Variants in BIRC6 observed in about 807,000 individuals in gnomAD.
The protein encoded by BIRC6 is baculoviral IAP repeat containing 6, also known as dual E2 ubiquitin-conjugating enzyme/E3 ubiquitin-protein ligase BIRC6.
Under a neutral mutation model 503.3 loss-of-function variants are expected in BIRC6, and 98 were observed. The observed-to-expected ratio is 0.19, with a 90% CI of 0.17 to 0.23. The LOEUF is 0.23. Among genes scored for constraint, BIRC6 ranks in the 10% least tolerant of loss-of-function variants. The pLI, the probability that BIRC6 is intolerant of heterozygous loss-of-function variation, is 1.00. For synonymous variants in BIRC6, 2,240 were observed against 2,078.7 expected (o/e 1.08, Z -2.11); for missense variants, 5,360 against 5,806.0 (o/e 0.92, Z 2.50).
intron 61 of BIRC6, among the ~76,000 whole-genome samples, chr2:32,532,927 A>G (rs763771243): frequency 6.6e-6 from 1 of 152,128 alleles, no homozygotes; most frequent in Non-Finnish European, 1.5e-5. Context: ...TGTGAAAGTG[A>G]CTTTAGAATT....
chr2:32,379,516 T>C (rs927044026), intron 2 of BIRC6: 8 of 152,184 alleles, frequency 5.3e-5, no homozygotes, highest in South Asian at 2.1e-4. Flanking sequence ...CTGTTTTTTT[T>C]CTCTTTGTAC....
At chr2:32,416,204 G>GGA in intron 10 of BIRC6, 41 bp downstream of exon 10, 1 of 1,511,560 alleles carries the variant, frequency 6.6e-7, no homozygotes, top group Non-Finnish European at 8.9e-7. Context: ...TAAAATCCAT[G>GGA]TATATATGGC....
At chr2:32,520,229 G>A (rs1168821646) in intron 57 of BIRC6, among the ~76,000 whole-genome samples, 3 of 152,178 alleles carry the variant, frequency 2.0e-5, no homozygotes, top group African/African-American at 4.8e-5. Flanking sequence ...CACATAGATG[G>A]TAAGTGAAAC....
chr2:32,393,434 C>A (rs1183745755), intron 5 of BIRC6, among the ~76,000 whole-genome samples: 1 of 152,138 alleles, frequency 6.6e-6, no homozygotes, highest in Non-Finnish European at 1.5e-5. Flanking sequence ...AGTGGCTTAC[C>A]ACTGTTACCA....
At chr2:32,481,647 T>C (rs1344571417) in intron 38 of BIRC6, among the ~76,000 whole-genome samples, 194 bp downstream of exon 38, 1 of 151,914 alleles carries the variant, frequency 6.6e-6, no homozygotes, top group East Asian at 1.9e-4. Context: ...GCACCTGTAG[T>C]CCCAGCTGCT....
chr2:32,389,072 A>T (rs2038876527), intron 4 of BIRC6, 129 bp downstream of exon 4: 4 of 601,762 alleles, frequency 6.6e-6, no homozygotes, highest in Non-Finnish European at 9.9e-6. Flanking sequence ...TTTTGAAATT[A>T]AAAAAAAATC....
At position 32,593,929 on chromosome 2, in the gene BIRC6, A is replaced by C. The variant is rs752178125; in HGVS notation, c.13370A>C (p.Asn4457Thr). 6.2e-7 allele frequency: 1 copy of C among 1,609,968 alleles called. No individual in the cohort carries two copies. The highest frequency in any genetic ancestry group is 1.1e-5 in the South Asian group (1 of 89,562). The change falls in exon 67 of 74, where the codon AAT (asparagine) becomes ACT (threonine). Residue 4457 changes from asparagine (N) to threonine (T), a missense_variant. By Grantham distance (65) the Asn-to-Thr change is moderately conservative. Around this residue, in one of 16 missense-constraint regions of BIRC6, gnomAD observed 477 missense variants for 574.4 expected, o/e 0.83. Transcript: ENST00000421745. The stretch of plus-strand genomic sequence containing the variant: ...AAAAAATTCAGATCTAAAAGGGAAA[A>C]TGTTAAAACAGGAGTAAAACCAGAT... The part of the protein sequence containing the change: ...YTNRLRSKRE[N>T]VKTGVKPDAS...
At chr2:32,394,061 A>G (rs555407674) in intron 5 of BIRC6, among the ~76,000 whole-genome samples, 41 of 151,638 alleles carry the variant, frequency 2.7e-4, no homozygotes, top group Admixed American at 9.8e-4. Flanking sequence ...TAATTTCTCT[A>G]AATTAAGGAT....
At chr2:32,568,852 A>C (rs2059723315) in intron 65 of BIRC6, among the ~76,000 whole-genome samples, 1 of 152,112 alleles carries the variant, frequency 6.6e-6, no homozygotes, top group South Asian at 2.1e-4. Context: ...CTCAAAAAAA[A>C]AAAAAGCACA....
intron 6 of BIRC6, among the ~76,000 whole-genome samples, chr2:32,398,827 G>A (rs1278810636): frequency 3.3e-5 from 5 of 152,074 alleles, no homozygotes; most frequent in Admixed American, 6.6e-5. Context: ...TTAGCTGGGA[G>A]GGAACCTGGC....
At chr2:32,547,518 G>A (rs147975352) in intron 63 of BIRC6, among the ~76,000 whole-genome samples, 171 of 152,190 alleles carry the variant, frequency 1.1e-3, no homozygotes, top group East Asian at 4.3e-3. Flanking sequence ...AGGTTTATTC[G>A]TGTAGCGTAT....
chr2:32,376,348 T>A (rs1205556571), intron 1 of BIRC6, among the ~76,000 whole-genome samples: 2 of 152,196 alleles, frequency 1.3e-5, no homozygotes, highest in Non-Finnish European at 1.5e-5. Context: ...AACAAAATTA[T>A]CACAGTTTTA....
At chr2:32,558,796 T>C (rs1159621399) in intron 65 of BIRC6, 1 of 152,228 alleles carries the variant, frequency 6.6e-6, no homozygotes, top group East Asian at 1.9e-4. Context: ...GTTTTCAGTA[T>C]ATCCTGAAGG....
chr2:32,479,413 T>C, intron 36 of BIRC6, 49 bp from the exon 37 acceptor site: 1 of 1,519,598 alleles, frequency 6.6e-7, no homozygotes, highest in Non-Finnish European at 8.9e-7. Context: ...GTAATACATT[T>C]TCGAAATCTG....
chr2:32,472,868 T>C (rs2049260459), intron 32 of BIRC6: 4 of 309,586 alleles, frequency 1.3e-5, no homozygotes, highest in Non-Finnish European at 2.4e-5. Context: ...ATTATCTAAA[T>C]GAAAGATTGG....
intron 26 of BIRC6, among the ~76,000 whole-genome samples, chr2:32,465,991 A>G (rs1483867820): frequency 6.6e-6 from 1 of 152,168 alleles, no homozygotes; most frequent in Non-Finnish European, 1.5e-5. Flanking sequence ...CTGAAGTCTT[A>G]TGGGAGATGA....
chr2:32,443,497 C>G lies in BIRC6; in HGVS notation c.4245C>G (p.Gly1415=), dbSNP rs137900404. Residue 1415 remains glycine, a synonymous_variant, in exon 20 of 74, where the codon GGC becomes GGG. Transcript: ENST00000421745. The part of the protein sequence containing the change: ...ARFLALCISN[G]KCDPCQPAFG... ...CTTTTTAAAAATTTTTCAGTAATGG[C>G]AAATGTGACCCATGTCAACCAGCAT... The G allele has an allele frequency of 6.3e-7, 1 of 1,599,902 alleles. No homozygotes were observed. Among genetic ancestry groups the G allele is most frequent in the African/African-American group, 1.3e-5 (1 of 74,536 alleles).
At chr2:32,496,325 G>T (rs915790230) in intron 45 of BIRC6, among the ~76,000 whole-genome samples, 3 of 151,030 alleles carry the variant, frequency 2.0e-5, no homozygotes, top group Admixed American at 2.0e-4. Flanking sequence ...TCCTGGGTTC[G>T]TGCAATTCTC....
chr2:32,537,552 C>G (rs2057333319), intron 61 of BIRC6, among the ~76,000 whole-genome samples: 1 of 152,146 alleles, frequency 6.6e-6, no homozygotes. Flanking sequence ...AGAAAATTTT[C>G]TACAATTCTT....
Sources: gnomAD v4.1 joint callset for allele counts (sites outside exome capture counted in the v4.1 genomes callset) on GRCh38, gnomAD v4.1.1 for gene constraint, gnomAD v4.1.1 regional missense constraint, MANE v1.5 for transcripts, NCBI Gene and HGNC (gene_info 2026-07-23, HGNC 2026-07-21) for gene names.